The following FAM241A variants were observed in gnomAD, a reference collection of about 807,000 sequenced individuals.
FAM241A encodes the protein family with sequence similarity 241 member A, also known as uncharacterized protein FAM241A.
Under a neutral mutation model 12.2 loss-of-function variants are expected in FAM241A, and 7 were observed. That is an observed-to-expected ratio of 0.58 (90% confidence interval 0.33 to 1.08). FAM241A has a LOEUF of 1.08. FAM241A is among the 50% of genes least tolerant of loss of function. The pLI is 0.04. For synonymous variants in FAM241A, 74 were observed against 68.2 expected (o/e 1.08, Z -0.42); for missense variants, 161 against 169.7 (o/e 0.95, Z 0.29).
chr4:112,184,467 G>A (rs1724001220), intron 1 of FAM241A, among the ~76,000 whole-genome samples: 1 of 152,130 alleles, frequency 6.6e-6, no homozygotes, highest in African/African-American at 2.4e-5. Context: ...GGTGGAGTTT[G>A]CAGTGAGCCG....
At chr4:112,163,343 A>G (rs1008444465) in intron 1 of FAM241A, among the ~76,000 whole-genome samples, 3 of 152,234 alleles carry the variant, frequency 2.0e-5, no homozygotes, top group African/African-American at 7.2e-5. Context: ...TCTGCACAGC[A>G]AAAGAAACTA....
chr4:112,154,214 T>C (rs369292197), intron 1 of FAM241A, among the ~76,000 whole-genome samples: 3 of 152,122 alleles, frequency 2.0e-5, no homozygotes, highest in African/African-American at 7.2e-5. Flanking sequence ...AGGAGAGATA[T>C]TTGATTTTGA....
At chr4:112,166,289 C>G (rs981073915) in intron 1 of FAM241A, among the ~76,000 whole-genome samples, 2 of 151,772 alleles carry the variant, frequency 1.3e-5, no homozygotes, top group Non-Finnish European at 2.9e-5. Flanking sequence ...ATCTCCTGGT[C>G]TCGATCTCCT....
At chr4:112,174,745 A>C (rs1441225278) in intron 1 of FAM241A, among the ~76,000 whole-genome samples, 1 of 152,196 alleles carries the variant, frequency 6.6e-6, no homozygotes, top group Non-Finnish European at 1.5e-5. Context: ...CAATTATGGT[A>C]GGATACGGGG....
chr4:112,169,702 G>A (rs917608257), intron 1 of FAM241A, among the ~76,000 whole-genome samples: 1 of 152,188 alleles, frequency 6.6e-6, no homozygotes, highest in African/African-American at 2.4e-5. Context: ...GAGACTGTAG[G>A]AAGTCAGGGC....
At chr4:112,171,399 A>G in intron 1 of FAM241A, 1 of 768,558 alleles carries the variant, frequency 1.3e-6, no homozygotes, top group Non-Finnish European at 2.4e-6. Flanking sequence ...ATAAAACTAC[A>G]AAGATGATTG....
intron 1 of FAM241A, among the ~76,000 whole-genome samples, chr4:112,178,128 A>G (rs751005334): frequency 2.0e-5 from 3 of 152,194 alleles, no homozygotes; most frequent in Non-Finnish European, 4.4e-5. Context: ...AAATAGATAT[A>G]TAAAGAAATA....
intron 1 of FAM241A, among the ~76,000 whole-genome samples, chr4:112,178,055 T>G (rs1459457889): frequency 6.6e-6 from 1 of 152,162 alleles, no homozygotes; most frequent in African/African-American, 2.4e-5. Flanking sequence ...AGTACTAATG[T>G]AAAATTTGTA....
chr4:112,150,143 A>G (rs755488337), intron 1 of FAM241A, among the ~76,000 whole-genome samples: 4 of 152,006 alleles, frequency 2.6e-5, no homozygotes, highest in South Asian at 2.1e-4. Context: ...ATGATTTTCT[A>G]TATTGTATGA....
At position 112,145,538 on chromosome 4, in the gene FAM241A, G is replaced by A; in HGVS notation, c.-43G>A. On this transcript the variant is annotated 5_prime_UTR_variant, in exon 1 of 2. Transcript: ENST00000309733. ...GGCGCTGCCTGGTGCGTCGCGGCGTGGTCCTCCGGCGGCTGTCCGGGGCGG... is the reference window on the plus strand; with the variant it reads ...GGCGCTGCCTGGTGCGTCGCGGCGTAGTCCTCCGGCGGCTGTCCGGGGCGG... 8.1e-7 allele frequency: 1 copy of A among 1,229,442 alleles called. No homozygotes were observed. The highest frequency in any genetic ancestry group is 1.0e-6 in the Non-Finnish European group (1 of 983,920). 76.2% of individuals were successfully genotyped at this position (1,229,442 alleles called of 1,614,324 possible).
At chr4:112,173,097 C>T (rs141130919) in intron 1 of FAM241A, among the ~76,000 whole-genome samples, 1,542 of 152,216 alleles carry the variant, frequency 0.01, 31 homozygotes, top group African/African-American at 0.035. Context: ...CTATGTTGCC[C>T]AGGCTGGTCT....
rs1724154680 is a variant in FAM241A at position 112,190,919 on chromosome 4, G to A, written c.*3981G>A. On this transcript the variant is annotated 3_prime_UTR_variant, in exon 2 of 2. Transcript: ENST00000309733. ...GCAGCTCGGCAATGTCACCACTCCCGTGGCTGCAGAGTTACCATTTGCATC... is the reference window on the plus strand; with the variant it reads ...GCAGCTCGGCAATGTCACCACTCCCATGGCTGCAGAGTTACCATTTGCATC... The A allele has an allele frequency of 6.6e-6, 1 of 152,122 alleles. No homozygotes were observed. The highest frequency in any genetic ancestry group is 2.4e-5 in the African/African-American group (1 of 41,398). The allele number at this position is 152,122 out of a possible 1,614,324, so 9.4% of individuals were successfully genotyped here. A position where few individuals can be genotyped will look rare whatever the true frequency, so the allele number is the denominator to read the frequency against.
intron 1 of FAM241A, among the ~76,000 whole-genome samples, chr4:112,159,116 A>G (rs1444438499): frequency 4.1e-4 from 63 of 152,204 alleles, no homozygotes; most frequent in Admixed American, 4.1e-3. Flanking sequence ...TAAAGTGGTC[A>G]TGGAAGAGCT....
At chr4:112,173,796 G>A (rs1723770164) in intron 1 of FAM241A, among the ~76,000 whole-genome samples, 1 of 152,022 alleles carries the variant, frequency 6.6e-6, no homozygotes, top group African/African-American at 2.4e-5. Context: ...CCTCACAGAA[G>A]TTGTCTCACA....
chr4:112,167,232 A>G (rs1160556034), intron 1 of FAM241A, among the ~76,000 whole-genome samples: 1 of 152,190 alleles, frequency 6.6e-6, no homozygotes, highest in Non-Finnish European at 1.5e-5. Context: ...AAAAATCATT[A>G]GAGAAGATGA....
intron 1 of FAM241A, among the ~76,000 whole-genome samples, chr4:112,172,811 G>A (rs1489579966): frequency 2.0e-5 from 3 of 152,116 alleles, no homozygotes; most frequent in African/African-American, 7.2e-5. Context: ...GAATATAAAT[G>A]ACAACATAGT....
At position 112,186,788 on chromosome 4, in the gene FAM241A, C is replaced by T; in HGVS notation, c.249C>T (p.Ile83=). 1 of 1,613,560 alleles carries T rather than the reference C, an allele frequency of 6.2e-7. No individual in the cohort carries two copies. Among genetic ancestry groups the T allele is most frequent in the Non-Finnish European group, 8.5e-7 (1 of 1,179,878 alleles). The change falls in exon 2 of 2, where the codon ATC becomes ATT. Residue 83 remains isoleucine (I), a synonymous_variant. Coordinates refer to ENST00000309733, the MANE Select transcript of FAM241A (RefSeq NM_152400.3). The part of the protein sequence containing the change: ...TLFGELNKNL[I]NMGFTRMYFG... Reference sequence around the variant, plus strand: ...TTGGTGAACTGAACAAAAACCTTATCAACATGGGCTTCACAAGGATGTATT... The same window carrying T: ...TTGGTGAACTGAACAAAAACCTTATTAACATGGGCTTCACAAGGATGTATT...
At chr4:112,150,018 A>G (rs1723215907) in intron 1 of FAM241A, among the ~76,000 whole-genome samples, 1 of 151,982 alleles carries the variant, frequency 6.6e-6, no homozygotes, top group Non-Finnish European at 1.5e-5. Flanking sequence ...CTCTTTCTAT[A>G]CATATTAAGA....
At chr4:112,158,595 C>T (rs939878669) in intron 1 of FAM241A, among the ~76,000 whole-genome samples, 17 of 151,654 alleles carry the variant, frequency 1.1e-4, no homozygotes, top group African/African-American at 2.4e-4. Flanking sequence ...AGTCTATCAG[C>T]GAACAAGTAA....
Sources: allele counts gnomAD v4.1 joint callset (sites outside exome capture counted in the v4.1 genomes callset), GRCh38; gene constraint gnomAD v4.1.1; transcripts MANE v1.5; gene names NCBI Gene and HGNC (gene_info 2026-07-23, HGNC 2026-07-21).